The following PCDH7 variants were observed in gnomAD, a reference collection of about 807,000 sequenced individuals.
PCDH7 encodes the protein protocadherin-7.
In PCDH7, 17 loss-of-function variants were observed where a neutral mutation model predicts 58.9. The ratio of observed to expected loss-of-function variants is 0.29; its 90% CI spans 0.20 to 0.43. The LOEUF is 0.43. PCDH7 is among the 20% of genes least tolerant of loss of function. PCDH7 has a pLI of 1.00. For missense variants in PCDH7, 1,274 were observed against 1,441.0 expected (o/e 0.88, Z 1.88); for synonymous variants, 664 against 616.4 (o/e 1.08, Z -1.14).
intron 3 of PCDH7, among the ~76,000 whole-genome samples, chr4:31,090,240 G>GA (rs946634324): frequency 6.6e-6 from 1 of 151,302 alleles, no homozygotes; most frequent in African/African-American, 2.4e-5. Context: ...AAGACTTTAT[G>GA]AAAAAAAAGG....
At chr4:30,961,015 GT>G (rs1478165576) in intron 3 of PCDH7, among the ~76,000 whole-genome samples, 2 of 152,096 alleles carry the variant, frequency 1.3e-5, no homozygotes, top group Non-Finnish European at 2.9e-5. Context: ...AAGAAAAGAC[GT>G]TGTTGTTATT....
chr4:30,973,917 T>C (rs796626341), intron 3 of PCDH7, among the ~76,000 whole-genome samples: 6 of 152,126 alleles, frequency 3.9e-5, no homozygotes, highest in South Asian at 2.1e-4. Context: ...GTGAATTTAC[T>C]TTCTCTCTTT....
intron 1 of PCDH7, among the ~76,000 whole-genome samples, chr4:30,872,332 A>G (rs1377141730): frequency 6.6e-6 from 1 of 152,138 alleles, no homozygotes; most frequent in African/African-American, 2.4e-5. Flanking sequence ...TGTGGGCCAT[A>G]CTATCTGTCA....
intron 3 of PCDH7, among the ~76,000 whole-genome samples, chr4:31,015,844 T>G (rs940767028): frequency 1.2e-3 from 184 of 152,320 alleles, no homozygotes; most frequent in African/African-American, 4.2e-3. Context: ...AGATCACTTT[T>G]GTAAGTACAG....
chr4:30,879,691 A>T (rs575678487), intron 1 of PCDH7, among the ~76,000 whole-genome samples: 1 of 152,264 alleles, frequency 6.6e-6, no homozygotes, highest in South Asian at 2.1e-4. Context: ...AGATTATATC[A>T]TGCTTAATTT....
At chr4:30,735,114 C>G (rs150399650), downstream of PCDH7, among the ~76,000 whole-genome samples, 1 of 152,094 alleles carries the variant, frequency 6.6e-6, no homozygotes, top group African/African-American at 2.4e-5. Flanking sequence ...GTACAGTACA[C>G]TTTGACATTT....
intron 1 of PCDH7, among the ~76,000 whole-genome samples, chr4:30,774,644 A>T (rs1017160949): frequency 5.3e-5 from 8 of 152,184 alleles, no homozygotes; most frequent in African/African-American, 1.9e-4. Flanking sequence ...AATACTTTTC[A>T]TAGAGTAATT....
chr4:31,087,582 A>G (rs1032979818), intron 3 of PCDH7, among the ~76,000 whole-genome samples: 7 of 152,118 alleles, frequency 4.6e-5, no homozygotes, highest in Middle Eastern at 3.2e-3. Flanking sequence ...GAAGAGACAT[A>G]GAATGGTGGG....
chr4:31,012,165 C>A lies in PCDH7; in HGVS notation c.*7+61950C>A, dbSNP rs79154528. Among the ~76,000 whole-genome samples, 125 of 152,096 alleles carry A rather than the reference C, an allele frequency of 8.2e-4. No individual in the cohort carries two copies. The East Asian group carries it at 0.021, about 26-fold the overall frequency. ...TTTCTTGCAAGAAAAAAGCTACATC[C>A]ATCTCTCGGGTTTGATTTCCTTTTG... On this transcript the variant is annotated intron_variant, in intron 3 of 3. Transcript: ENST00000509759.
In PCDH7 at chr4:30,722,215, G is replaced by T; in HGVS notation, c.793G>T (p.Ala265Ser). Residue 265 changes from alanine (A) to serine (S), a missense_variant, in exon 1 of 2, where the codon GCG becomes TCG. Around this residue, in one of 3 missense-constraint regions of PCDH7, gnomAD observed 331 missense variants for 303.2 expected, o/e 1.09. Transcript: ENST00000361762. The surrounding 1 kb of genome is among the most constrained non-coding windows in gnomAD (Gnocchi z 7.6). Reference sequence around the variant, plus strand: ...GCAGCCGCAGCTGATCGTGAAGGGGGCGCTGGACCGCGAGCAGCGCGACTC... The same window carrying T: ...GCAGCCGCAGCTGATCGTGAAGGGGTCGCTGGACCGCGAGCAGCGCGACTC... 1.3e-6 allele frequency: 2 copies of T among 1,589,508 alleles called. No homozygotes were observed. Among genetic ancestry groups the T allele is most frequent in the Non-Finnish European group, 8.6e-7 (1 of 1,168,854 alleles).
chr4:31,126,165 C>T (rs1718276609), intron 3 of PCDH7, among the ~76,000 whole-genome samples: 1 of 145,446 alleles, frequency 6.9e-6, no homozygotes, highest in African/African-American at 2.6e-5. Flanking sequence ...TCTCTGTCAT[C>T]CAGGCTGGAG....
intron 3 of PCDH7, among the ~76,000 whole-genome samples, chr4:30,970,860 T>C (rs1008769953): frequency 2.6e-5 from 4 of 152,192 alleles, no homozygotes; most frequent in Admixed American, 1.3e-4. Context: ...TTCTGTGAAG[T>C]AGTGAAAGTT....
chr4:31,053,320 G>C (rs1756904705), intron 3 of PCDH7, among the ~76,000 whole-genome samples: 1 of 151,858 alleles, frequency 6.6e-6, no homozygotes, highest in Non-Finnish European at 1.5e-5. Flanking sequence ...TTTACATCCT[G>C]TCCCCCAAAC....
intron 1 of PCDH7, among the ~76,000 whole-genome samples, chr4:30,907,011 A>C (rs1011977308): frequency 5.3e-5 from 8 of 152,176 alleles, no homozygotes; most frequent in Admixed American, 3.9e-4. Flanking sequence ...TGACAGAGTG[A>C]GACTCAGTCT....
chr4:31,122,406 A>G (rs1398616642), intron 3 of PCDH7, among the ~76,000 whole-genome samples: 1 of 152,136 alleles, frequency 6.6e-6, no homozygotes, highest in Non-Finnish European at 1.5e-5. Context: ...ACTTTAAAAG[A>G]CAAGTCTTCT....
intron 3 of PCDH7, among the ~76,000 whole-genome samples, chr4:30,999,329 A>G (rs1752158969): frequency 6.6e-6 from 1 of 152,158 alleles, no homozygotes; most frequent in Admixed American, 6.6e-5. Flanking sequence ...AGCATAGTCA[A>G]CAGGAAACAC....
intron 3 of PCDH7, among the ~76,000 whole-genome samples, chr4:31,032,531 C>A (rs1255101935): frequency 2.7e-5 from 4 of 150,716 alleles, no homozygotes; most frequent in Non-Finnish European, 5.9e-5. Flanking sequence ...TCGTTTGAAT[C>A]CAGGAGGTGG....
At chr4:31,106,023 A>T (rs4993058) in intron 3 of PCDH7, among the ~76,000 whole-genome samples, 27,555 of 148,676 alleles carry the variant, frequency 0.19, 3,682 homozygotes, top group East Asian at 0.55. Flanking sequence ...AGAAAAAAAA[A>T]ATATATATAT....
chr4:30,970,804 A>T (rs13116866), intron 3 of PCDH7, among the ~76,000 whole-genome samples: 28,611 of 152,166 alleles, frequency 0.19, 3,395 homozygotes, highest in South Asian at 0.26. Flanking sequence ...CATATATAAA[A>T]TGTATCATTG....
Sources: gnomAD v4.1 joint callset for allele counts (sites outside exome capture counted in the v4.1 genomes callset) on GRCh38, gnomAD v4.1.1 for gene constraint, gnomAD v4.1.1 regional missense constraint, Gnocchi (gnomAD v3.1) non-coding constraint, MANE v1.5 for transcripts, NCBI Gene and HGNC (gene_info 2026-07-23, HGNC 2026-07-21) for gene names.